The following ELMOD2 variants were observed in gnomAD, a reference collection of about 807,000 sequenced individuals.
The protein encoded by ELMOD2 is ELMO domain-containing protein 2.
A neutral mutation model predicts 41.0 loss-of-function variants in ELMOD2; 28 were observed. That is an observed-to-expected ratio of 0.68 (90% confidence interval 0.51 to 0.94). The LOEUF is 0.94. Ranked by LOEUF, ELMOD2 falls within the 40% of genes least tolerant of loss-of-function variation. The probability of loss-of-function intolerance (pLI) is 0.00; values close to 1 mark genes in which losing one functional copy is unlikely to be tolerated. For synonymous variants in ELMOD2, 106 were observed against 107.2 expected, an observed-to-expected ratio of 0.99 and a Z score of 0.07; for missense variants, 333 against 343.1, an observed-to-expected ratio of 0.97 and a Z score of 0.23.
At chr4:140,534,280 G>C (rs1225729304) in intron 3 of ELMOD2, among the ~76,000 whole-genome samples, 1 of 152,094 alleles carries the variant, frequency 6.6e-6, no homozygotes, top group Non-Finnish European at 1.5e-5. Context: ...TCCTAGAAAC[G>C]TTATGTTGAA....
chr4:140,539,873 C>A (rs1735052508), intron 5 of ELMOD2, among the ~76,000 whole-genome samples: 2 of 152,228 alleles, frequency 1.3e-5, no homozygotes, highest in African/African-American at 4.8e-5. Context: ...TCCTAAAATA[C>A]TGTGTTTTTC....
chr4:140,549,989 A>C (rs1735419297), intron 8 of ELMOD2, among the ~76,000 whole-genome samples: 1 of 152,032 alleles, frequency 6.6e-6, no homozygotes, highest in Admixed American at 6.6e-5. Flanking sequence ...TCCCAGGTGA[A>C]AGTACTATAT....
intron 3 of ELMOD2, among the ~76,000 whole-genome samples, chr4:140,532,822 ATAAAT>A (rs1370383360): frequency 3.9e-5 from 6 of 152,222 alleles, no homozygotes; most frequent in Admixed American, 2.0e-4. Context: ...TTGGAAAGAA[ATAAAT>A]TATATTAACA....
chr4:140,538,213 A>G (rs1054599491), intron 5 of ELMOD2, among the ~76,000 whole-genome samples: 2 of 152,186 alleles, frequency 1.3e-5, no homozygotes, highest in Admixed American at 1.3e-4. Context: ...GACTAGGGAG[A>G]TGAAGCAATT....
rs1383956931 is a variant in ELMOD2 at position 140,524,208 on chromosome 4, T to A, written c.-82T>A. On this transcript the variant is annotated 5_prime_UTR_variant, in exon 1 of 9. Coordinates refer to ENST00000323570, the MANE Select transcript of ELMOD2 (RefSeq NM_153702.4). ...GTGCTTGAAGGGAGTGTTCCGTCGT[T>A]TCCGTTGCCGGCTGTTTGCAGTGGG... 4 of 152,416 alleles carry A rather than the reference T, an allele frequency of 2.6e-5. No homozygotes were observed. In the East Asian group the frequency reaches 7.7e-4, roughly 30 times the overall value. The allele number at this position is 152,416 out of a possible 1,614,324, so 9.4% of individuals were successfully genotyped here.
At chr4:140,543,782 A>G (rs1040046222) in intron 8 of ELMOD2, among the ~76,000 whole-genome samples, 196 bp downstream of exon 8, 2 of 152,120 alleles carry the variant, frequency 1.3e-5, no homozygotes, top group Non-Finnish European at 2.9e-5. Flanking sequence ...TTCAGTTTTT[A>G]TATTTGCTGA....
chr4:140,527,439 A>G, intron 2 of ELMOD2, 27 bp from the exon 3 acceptor site: 3 of 1,470,238 alleles, frequency 2.0e-6, no homozygotes, highest in Non-Finnish European at 2.8e-6. Flanking sequence ...AAGTGATAAC[A>G]TCTTTTTTTT....
intron 1 of ELMOD2, chr4:140,524,765 T>G (rs749333881): frequency 8.7e-6 from 4 of 459,304 alleles, no homozygotes; most frequent in Non-Finnish European, 1.1e-5. Context: ...ATTTAGAAGC[T>G]GAAGAATTTT....
intron 6 of ELMOD2, among the ~76,000 whole-genome samples, chr4:140,542,105 G>C (rs564744308): frequency 5.3e-5 from 8 of 152,012 alleles, no homozygotes; most frequent in African/African-American, 1.9e-4. Flanking sequence ...TTATATGATT[G>C]ATGAAGGAGG....
intron 3 of ELMOD2, chr4:140,535,410 A>G (rs149749691): frequency 8.1e-4 from 146 of 180,312 alleles, no homozygotes; most frequent in African/African-American, 2.9e-3. Flanking sequence ...TATGCATTCA[A>G]GATTTTTATT....
rs886620196 is a variant in ELMOD2 at position 140,552,873 on chromosome 4, A to G, written c.*2498A>G. Reference sequence around the variant, plus strand: ...TGGTTTTAATAGGATCTGAAAGACAATCTTTAAAGAAATGGGAGAAATTGG... The same window carrying G: ...TGGTTTTAATAGGATCTGAAAGACAGTCTTTAAAGAAATGGGAGAAATTGG... On this transcript the variant is annotated 3_prime_UTR_variant, in exon 9 of 9. Coordinates refer to ENST00000323570, the MANE Select transcript of ELMOD2 (RefSeq NM_153702.4). The G allele has an allele frequency of 1.3e-5, 2 of 151,840 alleles. No homozygotes were observed. Among genetic ancestry groups the G allele is most frequent in the African/African-American group, 2.4e-5 (1 of 41,444 alleles). 9.4% of individuals were successfully genotyped at this position (151,840 alleles called of 1,614,324 possible).
chr4:140,526,241 T>C (rs1305034942), intron 2 of ELMOD2, among the ~76,000 whole-genome samples: 2 of 152,252 alleles, frequency 1.3e-5, no homozygotes, highest in Admixed American at 1.3e-4. Flanking sequence ...ATTAAAATGT[T>C]ATCTGTTTCT....
rs996458757 is a variant in ELMOD2, at chr4:140,552,701, G to A, written c.*2326G>A. 4.6e-5 allele frequency: 7 copies of A among 152,094 alleles called. No homozygotes were observed. The highest frequency in any genetic ancestry group is 1.7e-4 in the African/African-American group (7 of 41,442). The allele number at this position is 152,094 out of a possible 1,614,324, so 9.4% of individuals were successfully genotyped here. A position where few individuals can be genotyped will look rare whatever the true frequency, so the allele number is the denominator to read the frequency against. ...TAATAATTAGTAAAATGCCAAAGTA[G>A]TGATAGAATATTGTGGCATTGAAGT... On this transcript the variant is annotated 3_prime_UTR_variant, in exon 9 of 9. Coordinates refer to ENST00000323570, the MANE Select transcript of ELMOD2 (RefSeq NM_153702.4).
intron 3 of ELMOD2, among the ~76,000 whole-genome samples, chr4:140,529,526 A>G (rs1014286408): frequency 5.3e-5 from 8 of 152,164 alleles, no homozygotes; most frequent in Non-Finnish European, 1.0e-4. Context: ...AAGTTGTCCA[A>G]CACTGCCATT....
intron 5 of ELMOD2, among the ~76,000 whole-genome samples, chr4:140,539,272 A>G (rs939934090): frequency 6.6e-6 from 1 of 151,784 alleles, no homozygotes; most frequent in African/African-American, 2.4e-5. Context: ...CTTTCATTTG[A>G]TGGCTTGTGG....
intron 1 of ELMOD2, chr4:140,524,653 AGT>A: frequency 5.1e-6 from 5 of 985,450 alleles, no homozygotes; most frequent in Non-Finnish European, 4.8e-6. Flanking sequence ...CTCAGGCCCT[AGT>A]CCAGAGGTGA....
At chr4:140,535,254 A>G (rs1734882372) in intron 3 of ELMOD2, among the ~76,000 whole-genome samples, 1 of 150,874 alleles carries the variant, frequency 6.6e-6, no homozygotes, top group East Asian at 1.9e-4. Context: ...TAGTTTGTGA[A>G]CTGTTCTTCA....
chr4:140,527,550 T>C (rs533476312), intron 3 of ELMOD2, 56 bp downstream of exon 3: 1 of 1,452,896 alleles, frequency 6.9e-7, no homozygotes, highest in African/African-American at 1.5e-5. Context: ...ATATTTTTTC[T>C]TAAAAAAAAA....
intron 5 of ELMOD2, among the ~76,000 whole-genome samples, chr4:140,539,684 A>T (rs190627982): frequency 6.6e-6 from 1 of 152,170 alleles, no homozygotes; most frequent in South Asian, 2.1e-4. Context: ...AAAGATATTT[A>T]TTTAAAACCA....
Sources: gnomAD v4.1 joint callset for allele counts (sites outside exome capture counted in the v4.1 genomes callset) on GRCh38, gnomAD v4.1.1 for gene constraint, MANE v1.5 for transcripts, NCBI Gene and HGNC (gene_info 2026-07-23, HGNC 2026-07-21) for gene names.